Variants in RAB11FIP3 observed in about 807,000 individuals in gnomAD.
RAB11FIP3 encodes the protein RAB11 family interacting protein 3, also known as rab11 family-interacting protein 3.
In RAB11FIP3, 17 loss-of-function variants were observed where a neutral mutation model predicts 77.8. The observed-to-expected ratio is 0.22, with a 90% CI of 0.15 to 0.33. The LOEUF (loss-of-function observed/expected upper bound fraction) is 0.33, where lower values mean the gene tolerates loss of function less well. Ranked by LOEUF, RAB11FIP3 falls within the 10% of genes least tolerant of loss-of-function variation. The pLI, the probability that RAB11FIP3 is intolerant of heterozygous loss-of-function variation, is 1.00. For missense variants in RAB11FIP3, 1,005 were observed against 1,011.2 expected, an observed-to-expected ratio of 0.99 and a Z score of 0.08; for synonymous variants, 437 against 448.2, an observed-to-expected ratio of 0.98 and a Z score of 0.31.
At chr16:490,809 T>G (rs779699222) in intron 5 of RAB11FIP3, among the ~76,000 whole-genome samples, 2 of 152,226 alleles carry the variant, frequency 1.3e-5, no homozygotes, top group Non-Finnish European at 2.9e-5. Context: ...TTTTTTACCT[T>G]CTTGTTAAAG....
chr16:502,260 G>A (rs1345565449), intron 6 of RAB11FIP3, among the ~76,000 whole-genome samples: 1 of 152,266 alleles, frequency 6.6e-6, no homozygotes, highest in Non-Finnish European at 1.5e-5. Context: ...GCGCGCCTAA[G>A]TTCACACTCC....
intron 6 of RAB11FIP3, 193 bp downstream of exon 6, chr16:497,052 C>T (rs2031198368): frequency 3.1e-6 from 2 of 641,880 alleles, no homozygotes; most frequent in Non-Finnish European, 4.9e-6. Context: ...GAATTTGGAC[C>T]TGGATTTGTG....
chr16:500,013 T>C (rs984044745), intron 6 of RAB11FIP3, among the ~76,000 whole-genome samples: 2 of 152,254 alleles, frequency 1.3e-5, no homozygotes, highest in African/African-American at 4.8e-5. Context: ...CGCTGAACTA[T>C]TGCTGAGATG....
In RAB11FIP3 at chr16:506,226, T is replaced by C. The variant is rs2031869685; in HGVS notation, c.1499+599T>C. Among the ~76,000 whole-genome samples, 1 of 152,144 alleles carries C rather than the reference T, an allele frequency of 6.6e-6. No individual in the cohort carries two copies. Among genetic ancestry groups the C allele is most frequent in the Non-Finnish European group, 1.5e-5 (1 of 68,030 alleles). On this transcript the variant is annotated intron_variant, in intron 8 of 13. Coordinates refer to ENST00000262305, the MANE Select transcript of RAB11FIP3 (RefSeq NM_014700.4). This position sits in a 1 kb window ranked among gnomAD's most constrained non-coding sequence, Gnocchi z 4.5. ...TCTTAGAATACCGTGTAATTCTCGG[T>C]GTTTTTCACACGAGGCACGCCATGT...
rs1567124421 is a variant in RAB11FIP3 at position 522,026 on chromosome 16, T to TGTGTGCGCGCGC, written c.*1192_*1193insCGCGCGCGTGTG. On this transcript the variant is annotated 3_prime_UTR_variant, in exon 14 of 14. Transcript: ENST00000262305. The stretch of plus-strand genomic sequence containing the variant: ...TCACCAAGACTGGCCACCCGCTGCG[T>TGTGTGCGCGCGC]GTGTGTGCGCGCGCGTGTACGTGTG... 1.5e-4 allele frequency: 9 copies of TGTGTGCGCGCGC among 58,698 alleles called. No individual in the cohort carries two copies. Among genetic ancestry groups the TGTGTGCGCGCGC allele is most frequent in the African/African-American group, 9.5e-4 (9 of 9,426 alleles). The allele number at this position is 58,698 out of a possible 1,614,324, so 3.6% of individuals were successfully genotyped here. A position where few individuals can be genotyped will look rare whatever the true frequency, so the allele number is the denominator to read the frequency against.
intron 1 of RAB11FIP3, chr16:452,525 C>T (rs990643089): frequency 6.6e-6 from 1 of 151,346 alleles, no homozygotes; most frequent in African/African-American, 2.4e-5. Flanking sequence ...AGCTCCGCCT[C>T]CCCTGTTCAC....
intron 5 of RAB11FIP3, among the ~76,000 whole-genome samples, chr16:490,513 A>G (rs1275970601): frequency 6.6e-6 from 1 of 152,030 alleles, no homozygotes; most frequent in Non-Finnish European, 1.5e-5. Flanking sequence ...CTAATTTTGT[A>G]TTTTTTGTAG....
At chr16:473,034 T>C (rs1028055612) in intron 3 of RAB11FIP3, among the ~76,000 whole-genome samples, 72 of 152,260 alleles carry the variant, frequency 4.7e-4, no homozygotes, top group African/African-American at 1.7e-3. Flanking sequence ...GAGCCAGCCC[T>C]GCTCACACCT....
At chr16:449,669 A>G (rs1157903398) in intron 1 of RAB11FIP3, among the ~76,000 whole-genome samples, 1 of 146,534 alleles carries the variant, frequency 6.8e-6, no homozygotes, top group Non-Finnish European at 1.5e-5. Flanking sequence ...AAAAAGTTTT[A>G]GGCCGGGTGC....
In RAB11FIP3 at chr16:465,020, G is replaced by A. The variant is rs115700819; in HGVS notation, c.808+3523G>A. On this transcript the variant is annotated intron_variant, in intron 2 of 13. Coordinates refer to ENST00000262305, the MANE Select transcript of RAB11FIP3 (RefSeq NM_014700.4). ...CTGGGTGGTTTTTATGCATGTGATGGGTACGCCTGAGAGGATGCTTCTTTT... is the reference window on the plus strand; with the variant it reads ...CTGGGTGGTTTTTATGCATGTGATGAGTACGCCTGAGAGGATGCTTCTTTT... Among the ~76,000 whole-genome samples the A allele has an allele frequency of 6.1e-3, 929 of 152,264 alleles. 10 individuals carry two copies. Among genetic ancestry groups the A allele is most frequent in the African/African-American group, 0.021 (884 of 41,550 alleles).
chr16:496,269 C>G lies in RAB11FIP3; in HGVS notation c.1266-555C>G, dbSNP rs74317467. On this transcript the variant is annotated intron_variant, in intron 5 of 13. Transcript: ENST00000262305. ...GAAATGAGGGAGAAGGTAAGTTTGG[C>G]CCATGTGCCACTGCAGATGGTTAAA... 3.6e-3 allele frequency among the ~76,000 whole-genome samples: 548 copies of G among 152,288 alleles called. 4 individuals are homozygous for G. The highest frequency in any genetic ancestry group is 0.012 in the African/African-American group (510 of 41,556).
chr16:439,009 G>A (rs2055180696), intron 1 of RAB11FIP3, among the ~76,000 whole-genome samples: 1 of 151,956 alleles, frequency 6.6e-6, no homozygotes. Context: ...AAAGAGATAG[G>A]GCCTTGCTCT....
chr16:480,523 G>A (rs191500279), intron 3 of RAB11FIP3, among the ~76,000 whole-genome samples: 7 of 151,196 alleles, frequency 4.6e-5, no homozygotes, highest in East Asian at 3.9e-4. Context: ...TTTTTGAGAC[G>A]GAGTCTTGCT....
chr16:489,667 T>C (rs1417738933), intron 5 of RAB11FIP3, among the ~76,000 whole-genome samples: 1 of 152,102 alleles, frequency 6.6e-6, no homozygotes, highest in East Asian at 2.0e-4. Context: ...CGTCCATCTT[T>C]GCCAGCAGTC....
chr16:495,675 C>T (rs1216988998), intron 5 of RAB11FIP3, among the ~76,000 whole-genome samples: 1 of 152,172 alleles, frequency 6.6e-6, no homozygotes, highest in Non-Finnish European at 1.5e-5. Context: ...TTCTACAGGG[C>T]AAGTAAAAAG....
rs34184576 is a variant in RAB11FIP3 at position 437,570 on chromosome 16, C to CAAAAAAA, written c.714+10866_714+10872dup. On this transcript the variant is annotated intron_variant, in intron 1 of 13. Transcript: ENST00000262305. ...GGACAACAAGGGTGAAACTCCATCT[C>CAAAAAAA]AAAAAAAAAAAAAAAAAAAAAAGTC... is the stretch of plus-strand genomic sequence containing the variant. Among the ~76,000 whole-genome samples the CAAAAAAA allele has an allele frequency of 5.1e-5, 3 of 58,972 alleles. 1 individual carries two copies. Among genetic ancestry groups the CAAAAAAA allele is most frequent in the Non-Finnish European group, 2.9e-5 (1 of 34,176 alleles). 38.7% of individuals were successfully genotyped at this position (58,972 alleles called of 152,430 possible).
chr16:457,854 C>T (rs772468680), intron 1 of RAB11FIP3, among the ~76,000 whole-genome samples: 1 of 152,198 alleles, frequency 6.6e-6, no homozygotes, highest in African/African-American at 2.4e-5. Flanking sequence ...GATTAGGTAA[C>T]TCTCAGGTAC....
intron 2 of RAB11FIP3, among the ~76,000 whole-genome samples, chr16:470,969 A>T (rs963302137): frequency 4.1e-5 from 5 of 121,362 alleles, no homozygotes; most frequent in Non-Finnish European, 6.9e-5. Context: ...ATGGAGCTCA[A>T]TGTCTTGCTC....
In RAB11FIP3 at chr16:461,287, GC is replaced by G; in HGVS notation, c.715-116del. The G allele has an allele frequency of 1.5e-6, 1 of 688,920 alleles. No homozygotes were observed. Among genetic ancestry groups the G allele is most frequent in the Non-Finnish European group, 2.4e-6 (1 of 409,654 alleles). The allele number at this position is 688,920 out of a possible 1,614,324, so 42.7% of individuals were successfully genotyped here. On this transcript the variant is annotated intron_variant, in intron 1 of 13. Coordinates refer to ENST00000262305, the MANE Select transcript of RAB11FIP3 (RefSeq NM_014700.4). The surrounding 1 kb of genome is among the most constrained non-coding windows in gnomAD (Gnocchi z 4.5). ...AGGCGGTAATGCTCCCTCACCTCCT[GC>G]TGTGCTTCCCCGTTCCCAGCAGGCC...
Sources: gnomAD v4.1 joint callset for allele counts (sites outside exome capture counted in the v4.1 genomes callset) on GRCh38, gnomAD v4.1.1 for gene constraint, Gnocchi (gnomAD v3.1) non-coding constraint, MANE v1.5 for transcripts, NCBI Gene and HGNC (gene_info 2026-07-23, HGNC 2026-07-21) for gene names.